The following WASF1 variants were observed in gnomAD, a reference collection of about 807,000 sequenced individuals.
WASF1 encodes WASP family member 1.
In WASF1, 7 loss-of-function variants were observed where a neutral mutation model predicts 50.5. The observed-to-expected ratio is 0.14, with a 90% CI of 0.08 to 0.26. The LOEUF (loss-of-function observed/expected upper bound fraction) is 0.26, where lower values mean the gene tolerates loss of function less well. Ranked by LOEUF, WASF1 falls within the 10% of genes least tolerant of loss-of-function variation. WASF1 has a pLI of 1.00. For synonymous variants in WASF1, 205 were observed against 244.0 expected (o/e 0.84, Z 1.49); for missense variants, 470 against 694.7 (o/e 0.68, Z 3.64).
intron 5 of WASF1, among the ~76,000 whole-genome samples, chr6:110,109,643 C>T (rs1773472966): frequency 1.3e-5 from 2 of 151,792 alleles, no homozygotes; most frequent in South Asian, 2.1e-4. Context: ...CCTCTTCCTC[C>T]CGGGTTCAAG....
intron 3 of WASF1, among the ~76,000 whole-genome samples, chr6:110,128,651 A>G (rs994491017): frequency 3.3e-5 from 5 of 152,260 alleles, no homozygotes; most frequent in Non-Finnish European, 7.3e-5. Flanking sequence ...TTCACTTACT[A>G]CAGCATATTA....
At chr6:110,154,175 T>C (rs1775951467) in intron 3 of WASF1, among the ~76,000 whole-genome samples, 1 of 152,154 alleles carries the variant, frequency 6.6e-6, no homozygotes, top group Non-Finnish European at 1.5e-5. Context: ...GTCTCTTTTC[T>C]CTAAGTTTAC....
intron 3 of WASF1, among the ~76,000 whole-genome samples, chr6:110,136,166 G>A (rs1583978814): frequency 6.6e-6 from 1 of 152,094 alleles, no homozygotes; most frequent in Non-Finnish European, 1.5e-5. Context: ...CTACAGGCAT[G>A]AGCCACTGCG....
chr6:110,136,257 A>T (rs7771649), intron 3 of WASF1, among the ~76,000 whole-genome samples: 11,109 of 152,240 alleles, frequency 0.073, 554 homozygotes, highest in African/African-American at 0.14. Context: ...GAATAAGGAC[A>T]TTGTGGTCAG....
At chr6:110,102,999 C>T (rs1773159196) in intron 9 of WASF1, among the ~76,000 whole-genome samples, 1 of 152,108 alleles carries the variant, frequency 6.6e-6, no homozygotes, top group Non-Finnish European at 1.5e-5. Context: ...TCCAAAAAAT[C>T]CTTAATTTTT....
At chr6:110,102,310 A>G (rs1773128892) in intron 9 of WASF1, 94 bp from the exon 10 acceptor site, 3 of 1,245,422 alleles carry the variant, frequency 2.4e-6, no homozygotes, top group African/African-American at 3.1e-5. Flanking sequence ...ATCAGTAATT[A>G]TATCAAAATG....
At chr6:110,112,899 A>C (rs944472577) in intron 5 of WASF1, among the ~76,000 whole-genome samples, 13 of 148,766 alleles carry the variant, frequency 8.7e-5, no homozygotes, top group Non-Finnish European at 1.8e-4. Flanking sequence ...TGTCTCAAAA[A>C]AAAAAAAAAA....
chr6:110,107,644 A>T (rs558086977), intron 6 of WASF1, among the ~76,000 whole-genome samples: 1 of 152,282 alleles, frequency 6.6e-6, no homozygotes, highest in South Asian at 2.1e-4. Flanking sequence ...TCATTCTAAC[A>T]GTCACATTTA....
At chr6:110,138,238 AC>A (rs1056570612) in intron 3 of WASF1, among the ~76,000 whole-genome samples, 18 of 152,230 alleles carry the variant, frequency 1.2e-4, no homozygotes, top group African/African-American at 4.1e-4. Flanking sequence ...AGTGGCTTCC[AC>A]CACAGGAACC....
At chr6:110,105,311 C>T in intron 8 of WASF1, 96 bp downstream of exon 8, 1 of 1,236,408 alleles carries the variant, frequency 8.1e-7, no homozygotes, top group Non-Finnish European at 1.1e-6. Context: ...CAGGGTCTGC[C>T]TGTTCAACAG....
intron 3 of WASF1, among the ~76,000 whole-genome samples, chr6:110,159,265 T>A (rs1028642457): frequency 1.1e-4 from 17 of 151,876 alleles, no homozygotes; most frequent in African/African-American, 3.6e-4. Context: ...CACAGGTTAG[T>A]AGCTAGAGTC....
chr6:110,145,508 T>C (rs1775513537), intron 3 of WASF1, among the ~76,000 whole-genome samples: 1 of 151,992 alleles, frequency 6.6e-6, no homozygotes, highest in Non-Finnish European at 1.5e-5. Context: ...TGAATAGGAG[T>C]AGTGAGAGAG....
At chr6:110,162,376 C>A (rs76266032) in intron 2 of WASF1, among the ~76,000 whole-genome samples, 10,871 of 147,452 alleles carry the variant, frequency 0.074, 533 homozygotes, top group African/African-American at 0.15. Flanking sequence ...CATAAAGGAA[C>A]AGACAGAAGC....
chr6:110,131,530 A>AAT, intron 3 of WASF1, among the ~76,000 whole-genome samples: 1 of 152,294 alleles, frequency 6.6e-6, no homozygotes, highest in African/African-American at 2.4e-5. Flanking sequence ...CAGGCTTTAT[A>AAT]GTAAGTTCGC....
intron 3 of WASF1, among the ~76,000 whole-genome samples, chr6:110,140,239 A>G (rs887307721): frequency 1.3e-5 from 2 of 152,252 alleles, no homozygotes; most frequent in Non-Finnish European, 2.9e-5. Flanking sequence ...GAGAGCTTCC[A>G]GAGAGGTAAA....
At chr6:110,170,747 T>TG (rs1457299162) in intron 2 of WASF1, among the ~76,000 whole-genome samples, 1 of 151,246 alleles carries the variant, frequency 6.6e-6, no homozygotes, top group African/African-American at 2.4e-5. Flanking sequence ...AGTAAAGAAA[T>TG]GGAGAAAGAT....
chr6:110,138,084 G>A (rs932518328), intron 3 of WASF1, among the ~76,000 whole-genome samples: 4 of 152,234 alleles, frequency 2.6e-5, no homozygotes, highest in African/African-American at 4.8e-5. Flanking sequence ...AGCCAGGCAC[G>A]GAGTGGCAAG....
At chr6:110,171,162 A>G (rs1392321046) in intron 2 of WASF1, among the ~76,000 whole-genome samples, 2 of 152,180 alleles carry the variant, frequency 1.3e-5, no homozygotes, top group Non-Finnish European at 2.9e-5. Context: ...TCATTCACTG[A>G]GACAGACTAT....
intron 2 of WASF1, among the ~76,000 whole-genome samples, chr6:110,171,864 T>C (rs949949649): frequency 6.6e-6 from 1 of 151,996 alleles, no homozygotes; most frequent in East Asian, 1.9e-4. Context: ...CATCAAAAAG[T>C]GGCCAAAGGA....
Sources: gnomAD v4.1 joint callset for allele counts (sites outside exome capture counted in the v4.1 genomes callset) on GRCh38, gnomAD v4.1.1 for gene constraint, MANE v1.5 for transcripts, NCBI Gene and HGNC (gene_info 2026-07-23, HGNC 2026-07-21) for gene names.